Variants in CCDC171 observed in about 807,000 individuals in gnomAD.
The protein encoded by CCDC171 is coiled-coil domain containing 171, also known as coiled-coil domain-containing protein 171.
In CCDC171, 177 loss-of-function variants were observed where a neutral mutation model predicts 168.2. The observed-to-expected ratio is 1.05, with a 90% CI of 0.93 to 1.19. CCDC171 has a LOEUF of 1.19. Ranked by LOEUF, CCDC171 falls within the 50% of genes most tolerant of loss-of-function variation. The probability of loss-of-function intolerance (pLI) is 0.00; values close to 1 mark genes in which losing one functional copy is unlikely to be tolerated. For missense variants in CCDC171, 1,991 were observed against 1,539.0 expected, an observed-to-expected ratio of 1.29 and a Z score of -4.91; for synonymous variants, 687 against 540.8, an observed-to-expected ratio of 1.27 and a Z score of -3.75.
chr9:15,630,077 C>G (rs1299445798), intron 7 of CCDC171, among the ~76,000 whole-genome samples: 1 of 152,176 alleles, frequency 6.6e-6, no homozygotes, highest in Non-Finnish European at 1.5e-5. Flanking sequence ...AAAATCATGC[C>G]AGACTGTAAA....
chr9:15,655,748 T>C (rs2132911985), intron 7 of CCDC171, among the ~76,000 whole-genome samples: 1 of 152,250 alleles, frequency 6.6e-6, no homozygotes, highest in Admixed American at 6.5e-5. Flanking sequence ...ATGGTGAAAA[T>C]ATTTGAACAT....
intron 25 of CCDC171, among the ~76,000 whole-genome samples, chr9:15,923,828 G>T (rs915548296): frequency 4.6e-5 from 7 of 151,276 alleles, no homozygotes; most frequent in Non-Finnish European, 7.4e-5. Flanking sequence ...AGAAGTAGGT[G>T]GTTATTGTTA....
At position 15,817,032 on chromosome 9, in the gene CCDC171, A is replaced by C. The variant is rs1193659851; in HGVS notation, c.3268-29670A>C. Among the ~76,000 whole-genome samples the C allele has an allele frequency of 1.7e-5, 2 of 118,118 alleles. 1 individual carries two copies. The highest frequency in any genetic ancestry group is 3.8e-5 in the Non-Finnish European group (2 of 52,474). The allele number at this position is 118,118 out of a possible 152,430, so 77.5% of individuals were successfully genotyped here. A position where few individuals can be genotyped will look rare whatever the true frequency, so the allele number is the denominator to read the frequency against. ...GTTATGTGTGTGTGTGTATTTCCTTAAGGCTGTGGATGTTTTTCTCAGTTC... is the reference window on the plus strand; with the variant it reads ...GTTATGTGTGTGTGTGTATTTCCTTCAGGCTGTGGATGTTTTTCTCAGTTC... On this transcript the variant is annotated intron_variant, in intron 21 of 25. Transcript: ENST00000380701.
chr9:16,032,773 A>T (rs1188564664), intron 6 of CCDC171, among the ~76,000 whole-genome samples: 2 of 152,116 alleles, frequency 1.3e-5, no homozygotes, highest in Non-Finnish European at 2.9e-5. Flanking sequence ...ATAAGCCACC[A>T]TGCCTGGCCA....
At position 15,955,478 on chromosome 9, in the gene CCDC171, C is replaced by G. The variant is rs141165068; in HGVS notation, c.3754-16131C>G. On this transcript the variant is annotated intron_variant, in intron 25 of 25. Coordinates refer to ENST00000380701, the MANE Select transcript of CCDC171 (RefSeq NM_173550.4). Reference sequence around the variant, plus strand: ...GAGAACAAGGTTCTTTTTGCCTACCCTGGCTCCTGCAAGTTATGTGCAAGC... The same window carrying G: ...GAGAACAAGGTTCTTTTTGCCTACCGTGGCTCCTGCAAGTTATGTGCAAGC... 1.7e-3 allele frequency among the ~76,000 whole-genome samples: 259 copies of G among 152,240 alleles called. 2 individuals carry two copies. Among genetic ancestry groups the G allele is most frequent in the African/African-American group, 5.8e-3 (240 of 41,522 alleles).
At chr9:15,700,180 T>C (rs1047884173) in intron 11 of CCDC171, among the ~76,000 whole-genome samples, 1 of 152,168 alleles carries the variant, frequency 6.6e-6, no homozygotes, top group African/African-American at 2.4e-5. Flanking sequence ...TGCTGAGCCC[T>C]GCCCCACGGG....
At chr9:15,953,170 C>G (rs917441894) in intron 25 of CCDC171, among the ~76,000 whole-genome samples, 1 of 151,988 alleles carries the variant, frequency 6.6e-6, no homozygotes, top group Non-Finnish European at 1.5e-5. Flanking sequence ...AGTGCCTTTT[C>G]TTTTTCTTGC....
intron 7 of CCDC171, among the ~76,000 whole-genome samples, chr9:15,632,468 T>C (rs1412876473): frequency 6.6e-6 from 1 of 151,758 alleles, no homozygotes; most frequent in African/African-American, 2.4e-5. Flanking sequence ...TTACAAGGGA[T>C]GTGAAGGACC....
At chr9:15,699,315 G>C (rs998926363) in intron 11 of CCDC171, among the ~76,000 whole-genome samples, 1 of 152,066 alleles carries the variant, frequency 6.6e-6, no homozygotes, top group Non-Finnish European at 1.5e-5. Flanking sequence ...AGACCTTCGC[G>C]GTGAGTGTTA....
intron 10 of CCDC171, among the ~76,000 whole-genome samples, chr9:15,686,337 G>A (rs1260168787): frequency 6.6e-6 from 1 of 151,878 alleles, no homozygotes; most frequent in East Asian, 1.9e-4. Flanking sequence ...TCTTCCTCTG[G>A]ATCCATTTGC....
At chr9:15,970,340 C>T (rs1831224858) in intron 25 of CCDC171, among the ~76,000 whole-genome samples, 1 of 152,016 alleles carries the variant, frequency 6.6e-6, no homozygotes, top group Admixed American at 6.6e-5. Flanking sequence ...TAATAAAGCA[C>T]ACCTTATAGT....
chr9:15,785,413 T>G (rs2057891432), intron 21 of CCDC171, among the ~76,000 whole-genome samples: 1 of 152,126 alleles, frequency 6.6e-6, no homozygotes, highest in South Asian at 2.1e-4. Context: ...AACTCAGAGT[T>G]GGTATTAACT....
At chr9:16,007,053 G>A (rs553054362) in intron 3 of CCDC171, among the ~76,000 whole-genome samples, 13 of 152,306 alleles carry the variant, frequency 8.5e-5, no homozygotes, top group African/African-American at 3.1e-4. Context: ...CACCAACAGT[G>A]TAAAAGTGTT....
chr9:15,859,326 G>T (rs1255435600), intron 23 of CCDC171, among the ~76,000 whole-genome samples: 4 of 151,884 alleles, frequency 2.6e-5, no homozygotes, highest in African/African-American at 4.8e-5. Context: ...ATATTCATCA[G>T]GGATATTGGC....
At chr9:15,963,588 C>A (rs1830543030) in intron 25 of CCDC171, among the ~76,000 whole-genome samples, 1 of 152,174 alleles carries the variant, frequency 6.6e-6, no homozygotes, top group Non-Finnish European at 1.5e-5. Flanking sequence ...TGGAGATCAT[C>A]AGACATCTAA....
chr9:16,070,066 C>T, the CCDC171 span, among the ~76,000 whole-genome samples: 3 of 152,120 alleles, frequency 2.0e-5, no homozygotes, highest in East Asian at 3.9e-4. Flanking sequence ...AAAAGGGGAG[C>T]GCTCAGGGAT....
rs548963320 is a variant in CCDC171 at position 15,677,872 on chromosome 9, TGTGTGTC to T, written c.1077-885_1077-879del. 1.1e-4 allele frequency among the ~76,000 whole-genome samples: 10 copies of T among 94,466 alleles called. 1 individual carries two copies. The South Asian group carries it at 3.5e-3, about 33-fold the overall frequency. 62.0% of individuals were successfully genotyped at this position (94,466 alleles called of 152,430 possible). A position where few individuals can be genotyped will look rare whatever the true frequency, so the allele number is the denominator to read the frequency against. ...GTGTGTATGTATATATATATGTGTGTGTGTGTCATATATATATATATATATATATATA... is the reference window on the plus strand; with the variant it reads ...GTGTGTATGTATATATATATGTGTGTATATATATATATATATATATATATA... On this transcript the variant is annotated intron_variant, in intron 9 of 25. Coordinates refer to ENST00000380701, the MANE Select transcript of CCDC171 (RefSeq NM_173550.4).
chr9:15,599,557 C>T (rs535629712), intron 6 of CCDC171, among the ~76,000 whole-genome samples: 28 of 152,310 alleles, frequency 1.8e-4, no homozygotes, highest in African/African-American at 6.0e-4. Flanking sequence ...GGTCACCCAA[C>T]CTTTCTGTCT....
At chr9:15,728,058 A>G in intron 15 of CCDC171, 22 bp downstream of exon 15, 3 of 1,581,288 alleles carry the variant, frequency 1.9e-6, no homozygotes, top group Non-Finnish European at 2.6e-6. Flanking sequence ...CAGGCACCAG[A>G]TACCTCTATT....
Sources: gnomAD v4.1 joint callset for allele counts (sites outside exome capture counted in the v4.1 genomes callset) on GRCh38, gnomAD v4.1.1 for gene constraint, MANE v1.5 for transcripts, NCBI Gene and HGNC (gene_info 2026-07-23, HGNC 2026-07-21) for gene names.